Variants in LHPP observed in about 807,000 individuals in gnomAD.
LHPP encodes hLHPP.
Under a neutral mutation model 30.3 loss-of-function variants are expected in LHPP, and 24 were observed. The ratio of observed to expected loss-of-function variants is 0.79; its 90% CI spans 0.57 to 1.11. The LOEUF (loss-of-function observed/expected upper bound fraction) is 1.11, where lower values mean the gene tolerates loss of function less well. Among genes scored for constraint, LHPP ranks in the 50% most tolerant of loss-of-function variants. LHPP has a pLI of 0.00. For missense variants in LHPP, 356 were observed against 367.2 expected, an observed-to-expected ratio of 0.97 and a Z score of 0.25; for synonymous variants, 150 against 157.1, an observed-to-expected ratio of 0.95 and a Z score of 0.34.
chr10:124,543,950 A>G (rs1955268531), intron 6 of LHPP, among the ~76,000 whole-genome samples: 1 of 152,268 alleles, frequency 6.6e-6, no homozygotes, highest in Admixed American at 6.5e-5. Flanking sequence ...GCAACGATTT[A>G]TAAACTGTGG....
At chr10:124,521,271 C>T (rs1412749385) in intron 6 of LHPP, among the ~76,000 whole-genome samples, 2 of 152,232 alleles carry the variant, frequency 1.3e-5, no homozygotes, top group East Asian at 1.9e-4. Flanking sequence ...GCCGCTGGGC[C>T]GGCATCCCTT....
At position 124,484,146 on chromosome 10, in the gene LHPP, C is replaced by T. The variant is rs559074387; in HGVS notation, c.133C>T (p.Arg45Cys). ...GTGTCTCCCCTGCCGCAGACTGAAGCGTTCCCGGCTGAAGGTGAGGTTCTG... is the reference window on the plus strand; with the variant it reads ...GTGTCTCCCCTGCCGCAGACTGAAGTGTTCCCGGCTGAAGGTGAGGTTCTG... ...GSVEAVARLK[R>C]SRLKVRFCTN... is the part of the protein sequence containing the mutation. Residue 45 changes from arginine (R) to cysteine (C), a missense_variant, in exon 2 of 7, where the codon CGT (arginine) becomes TGT (cysteine). Physicochemically the swap from Arg to Cys is radical, Grantham distance 180. Coordinates refer to ENST00000368842, the MANE Select transcript of LHPP (RefSeq NM_022126.4). 17 of 1,613,652 alleles carry T rather than the reference C, an allele frequency of 1.1e-5. No homozygotes were observed. The highest frequency in any genetic ancestry group is 4.5e-5 in the East Asian group (2 of 44,890).
intron 6 of LHPP, among the ~76,000 whole-genome samples, chr10:124,583,177 T>C (rs1471355506): frequency 6.6e-6 from 1 of 152,252 alleles, no homozygotes; most frequent in Non-Finnish European, 1.5e-5. Context: ...TATTTTCTCT[T>C]GTTGCTTATA....
Position 124,539,416 on chromosome 10 carries a change from G to C in LHPP, c.716+22145G>C, listed in dbSNP as rs570657626. On this transcript the variant is annotated intron_variant, in intron 6 of 6. Coordinates refer to ENST00000368842, the MANE Select transcript of LHPP (RefSeq NM_022126.4). ...AAGGCTGGCAGATTGCTTGAGCCCA[G>C]GAGTTTGAAGCCAGCCTGGGCAACA... is the stretch of plus-strand genomic sequence containing the variant. Among the ~76,000 whole-genome samples, 276 of 152,288 alleles carry C rather than the reference G, an allele frequency of 1.8e-3. 1 individual carries two copies. Among genetic ancestry groups the C allele is most frequent in the African/African-American group, 6.4e-3 (268 of 41,564 alleles).
At position 124,461,837 on chromosome 10, in the gene LHPP, G is replaced by A. The variant is rs900866068; in HGVS notation, c.-26G>A. 4.1e-6 allele frequency: 5 copies of A among 1,231,172 alleles called. No individual in the cohort carries two copies. The highest frequency in any genetic ancestry group is 4.1e-6 in the Non-Finnish European group (4 of 983,980). The allele number at this position is 1,231,172 out of a possible 1,614,324, so 76.3% of individuals were successfully genotyped here. ...CCGGCGCCGGCGTCGGTTGGGACGC[G>A]GAGCTGAGGAGCAGGGCCGGGCGCC... On this transcript the variant is annotated 5_prime_UTR_variant, in exon 1 of 7. Transcript: ENST00000368842.
In LHPP at chr10:124,575,565, G is replaced by A. The variant is rs181700298; in HGVS notation, c.717-37699G>A. 3.2e-4 allele frequency among the ~76,000 whole-genome samples: 49 copies of A among 152,174 alleles called. 1 individual carries two copies. The highest frequency in any genetic ancestry group is 1.1e-3 in the African/African-American group (46 of 41,494). ...GCCCATGTCCTGCAGCCTCTCCTGG[G>A]GGCAGGAGCTACAGGGTTTCTTGAC... On this transcript the variant is annotated intron_variant, in intron 6 of 6. Transcript: ENST00000368842.
Position 124,498,158 on chromosome 10 carries a change from G to A in LHPP, c.624+30G>A, listed in dbSNP as rs188491816. On this transcript the variant is annotated intron_variant, in intron 5 of 6. Coordinates refer to ENST00000368842, the MANE Select transcript of LHPP (RefSeq NM_022126.4). ...GTTGGCGCCTTGTGAAGTGGGTCAGGGGAGGCAGCCCCGTCAGGGAGGCCC... is the reference window on the plus strand; with the variant it reads ...GTTGGCGCCTTGTGAAGTGGGTCAGAGGAGGCAGCCCCGTCAGGGAGGCCC... 10 of 1,597,746 alleles carry A rather than the reference G, an allele frequency of 6.3e-6. No individual in the cohort carries two copies. The African/African-American group carries it at 1.1e-4, about 17-fold the overall frequency.
chr10:124,474,592 G>A (rs1014263002), intron 1 of LHPP, among the ~76,000 whole-genome samples: 5 of 152,178 alleles, frequency 3.3e-5, no homozygotes, highest in Admixed American at 2.6e-4. Context: ...ACAAGTCACT[G>A]AACCCCTCCA....
intron 1 of LHPP, among the ~76,000 whole-genome samples, chr10:124,479,873 TCTC>T (rs796761430): frequency 6.5e-4 from 99 of 152,320 alleles, no homozygotes; most frequent in African/African-American, 2.3e-3. Flanking sequence ...GCCTCCATCT[TCTC>T]CTTTCTAGAG....
chr10:124,467,118 TA>T (rs386362126), intron 1 of LHPP, among the ~76,000 whole-genome samples: 1,661 of 63,560 alleles, frequency 0.026, 23 homozygotes, highest in East Asian at 0.088. Flanking sequence ...AGTGAGACTC[TA>T]AAAAAAAAAA....
intron 6 of LHPP, among the ~76,000 whole-genome samples, chr10:124,584,251 G>C (rs962294957): frequency 2.6e-5 from 4 of 151,772 alleles, no homozygotes; most frequent in South Asian, 4.2e-4. Flanking sequence ...TGTAGTCTCA[G>C]CTACTCAGGA....
At chr10:124,557,731 C>T (rs1948327065) in intron 6 of LHPP, among the ~76,000 whole-genome samples, 1 of 152,076 alleles carries the variant, frequency 6.6e-6, no homozygotes, top group Non-Finnish European at 1.5e-5. Flanking sequence ...GGTGGAGTCA[C>T]ATGATGCCAG....
At chr10:124,493,377 C>G (rs1953593411) in intron 3 of LHPP, among the ~76,000 whole-genome samples, 1 of 152,172 alleles carries the variant, frequency 6.6e-6, no homozygotes, top group South Asian at 2.1e-4. Flanking sequence ...GTCCATCCTG[C>G]ACTGCGGGAC....
chr10:124,593,682 G>A lies in LHPP; in HGVS notation c.717-19582G>A, dbSNP rs745779856. Reference sequence around the variant, plus strand: ...AGAGGGTGGTGGACCCAAACGCGACGTCCCCAGTGGCGGTGGCTGAGGAGA... The same window carrying A: ...AGAGGGTGGTGGACCCAAACGCGACATCCCCAGTGGCGGTGGCTGAGGAGA... On this transcript the variant is annotated intron_variant, in intron 6 of 6. Coordinates refer to ENST00000368842, the MANE Select transcript of LHPP (RefSeq NM_022126.4). The surrounding 1 kb of genome is among the most constrained non-coding windows in gnomAD (Gnocchi z 4.9). 1.6e-4 allele frequency among the ~76,000 whole-genome samples: 24 copies of A among 152,248 alleles called. No homozygotes were observed. The highest frequency in any genetic ancestry group is 2.8e-4 in the Non-Finnish European group (19 of 68,046).
chr10:124,484,048 T>C, intron 1 of LHPP, 91 bp from the exon 2 acceptor site: 2 of 1,258,920 alleles, frequency 1.6e-6, no homozygotes, highest in Non-Finnish European at 2.3e-6. Context: ...TGGGCTTTGC[T>C]GGATGCCCTT....
chr10:124,557,017 C>T (rs1010482114), intron 6 of LHPP, among the ~76,000 whole-genome samples: 15 of 152,054 alleles, frequency 9.9e-5, no homozygotes, highest in African/African-American at 3.4e-4. Flanking sequence ...TTCAGGCGCA[C>T]GAGACAGGCG....
rs771345389 is a variant in LHPP, at chr10:124,613,307, G to A, written c.760G>A (p.Val254Met). 8.1e-6 allele frequency: 13 copies of A among 1,613,518 alleles called. No individual in the cohort carries two copies. In the East Asian group the frequency reaches 8.9e-5, roughly 11 times the overall value. ...HHPEVKADGYVDNLAEAVDLL... is the reference protein window; with the variant it reads ...HHPEVKADGYMDNLAEAVDLL... Reference sequence around the variant, plus strand: ...TCCGGAAGTGAAGGCTGATGGGTACGTGGACAACCTCGCAGAGGCAGTGGA... The same window carrying A: ...TCCGGAAGTGAAGGCTGATGGGTACATGGACAACCTCGCAGAGGCAGTGGA... The change falls in exon 7 of 7, where the codon GTG becomes ATG. Residue 254 changes from valine (V) to methionine (M), a missense_variant. Physicochemically the swap from Val to Met is conservative, Grantham distance 21 (BLOSUM62 1). Transcript: ENST00000368842.
chr10:124,539,812 G>A (rs899853826), intron 6 of LHPP, among the ~76,000 whole-genome samples: 1 of 152,014 alleles, frequency 6.6e-6, no homozygotes, highest in African/African-American at 2.4e-5. Flanking sequence ...TGAGGTGGGA[G>A]GATTGTTTGA....
At position 124,613,398 on chromosome 10, in the gene LHPP, CT is replaced by C; in HGVS notation, c.*39del. On this transcript the variant is annotated 3_prime_UTR_variant, in exon 7 of 7. Transcript: ENST00000368842. ...AGAGCCCCGCCTCCTCCACCCCTGC[CT>C]CTCCTCCACCCCTGCCTCCCCTCCA... 1 of 1,209,164 alleles carries C rather than the reference CT, an allele frequency of 8.3e-7. No individual in the cohort carries two copies. Among genetic ancestry groups the C allele is most frequent in the Non-Finnish European group, 1.2e-6 (1 of 829,670 alleles). 74.9% of individuals were successfully genotyped at this position (1,209,164 alleles called of 1,614,324 possible). A position where few individuals can be genotyped will look rare whatever the true frequency, so the allele number is the denominator to read the frequency against.
Sources: gnomAD v4.1 joint callset for allele counts (sites outside exome capture counted in the v4.1 genomes callset) on GRCh38, gnomAD v4.1.1 for gene constraint, Gnocchi (gnomAD v3.1) non-coding constraint, MANE v1.5 for transcripts, NCBI Gene and HGNC (gene_info 2026-07-23, HGNC 2026-07-21) for gene names.